The following FKBP5 variants were observed in gnomAD, a reference collection of about 807,000 sequenced individuals.
FKBP5 encodes the protein FKBP prolyl isomerase 5.
A neutral mutation model predicts 50.5 loss-of-function variants in FKBP5; 23 were observed. The ratio of observed to expected loss-of-function variants is 0.46; its 90% CI spans 0.33 to 0.65. The LOEUF (loss-of-function observed/expected upper bound fraction) is 0.65. FKBP5 is among the 30% of genes least tolerant of loss of function. The pLI, the probability that FKBP5 is intolerant of heterozygous loss-of-function variation, is 0.02. For synonymous variants in FKBP5, 176 were observed against 190.6 expected, an observed-to-expected ratio of 0.92 and a Z score of 0.63; for missense variants, 411 against 553.1, an observed-to-expected ratio of 0.74 and a Z score of 2.58.
intron 5 of FKBP5, 49 bp downstream of exon 5, chr6:35,619,047 T>C (rs1763744368): frequency 7.7e-7 from 1 of 1,298,416 alleles, no homozygotes; most frequent in Non-Finnish European, 1.1e-6. Flanking sequence ...TTCGTCCACA[T>C]AAATGGCCCA....
chr6:35,622,326 C>A (rs1043542194), intron 3 of FKBP5, among the ~76,000 whole-genome samples: 5 of 152,052 alleles, frequency 3.3e-5, no homozygotes, highest in Non-Finnish European at 5.9e-5. Context: ...GCCAGGGCAA[C>A]ATAGTGAAAC....
At chr6:35,602,360 T>TTGG (rs1763171631) in intron 5 of FKBP5, among the ~76,000 whole-genome samples, 1 of 152,068 alleles carries the variant, frequency 6.6e-6, no homozygotes, top group South Asian at 2.1e-4. Context: ...ATTATAGTAG[T>TTGG]TGGTGTCTGA....
chr6:35,643,367 A>G (rs1764547160), intron 1 of FKBP5, among the ~76,000 whole-genome samples: 1 of 152,208 alleles, frequency 6.6e-6, no homozygotes, highest in South Asian at 2.1e-4. Flanking sequence ...TGGACACAGT[A>G]CACTATTCAT....
At chr6:35,578,450 A>G (rs576533868) in intron 9 of FKBP5, among the ~76,000 whole-genome samples, 1 of 152,240 alleles carries the variant, frequency 6.6e-6, no homozygotes, top group East Asian at 1.9e-4. Flanking sequence ...ACCTTCTTTA[A>G]AGAGAAAGAT....
chr6:35,616,860 T>C (rs1398733154), intron 5 of FKBP5, among the ~76,000 whole-genome samples: 2 of 151,874 alleles, frequency 1.3e-5, no homozygotes, highest in East Asian at 1.9e-4. Flanking sequence ...AAAATACACA[T>C]TATAGACAAG....
At chr6:35,705,236 ATATATATATATATATATATATATTT>A (rs1766276258) in intron 2 of FKBP5, among the ~76,000 whole-genome samples, 1 of 74,348 alleles carries the variant, frequency 1.3e-5, no homozygotes, top group Non-Finnish European at 3.9e-5. Context: ...ATATATATAT[ATATATATATATATATATATATATTT>A]TTTTTTTTTT....
chr6:35,723,787 G>A (rs552851480), intron 1 of FKBP5, among the ~76,000 whole-genome samples: 1 of 152,358 alleles, frequency 6.6e-6, no homozygotes, highest in South Asian at 2.1e-4. Flanking sequence ...GATAAGGCTG[G>A]CACGGGCAGT....
intron 6 of FKBP5, 22 bp from the exon 7 acceptor site, chr6:35,591,242 A>T: frequency 6.6e-7 from 1 of 1,516,248 alleles, no homozygotes; most frequent in South Asian, 1.1e-5. Context: ...AGTAAAAAAT[A>T]AAACTTTAAA....
chr6:35,583,784 T>A (rs765307974), intron 8 of FKBP5: 9 of 985,336 alleles, frequency 9.1e-6, no homozygotes, highest in Non-Finnish European at 1.1e-5. Flanking sequence ...AGGAAAGAGA[T>A]GAAAGACAGG....
chr6:35,684,026 C>G (rs1765754376), intron 1 of FKBP5, among the ~76,000 whole-genome samples: 1 of 152,000 alleles, frequency 6.6e-6, no homozygotes, highest in Non-Finnish European at 1.5e-5. Flanking sequence ...TGCACTCCAG[C>G]CTGAGCAACA....
At chr6:35,724,714 C>T (rs1561911316) in intron 1 of FKBP5, among the ~76,000 whole-genome samples, 1 of 151,516 alleles carries the variant, frequency 6.6e-6, no homozygotes. Context: ...CATGATCTCC[C>T]CACTGTACTC....
chr6:35,680,713 T>C (rs1472628641), intron 1 of FKBP5, among the ~76,000 whole-genome samples: 1 of 152,142 alleles, frequency 6.6e-6, no homozygotes, highest in Non-Finnish European at 1.5e-5. Flanking sequence ...CTATGAAAAA[T>C]AGCACCACCC....
At chr6:35,666,847 C>T (rs1357803893) in intron 1 of FKBP5, among the ~76,000 whole-genome samples, 1 of 152,038 alleles carries the variant, frequency 6.6e-6, no homozygotes, top group Non-Finnish European at 1.5e-5. Context: ...TGCACCACTG[C>T]ACTCCAGCCT....
chr6:35,686,537 C>T (rs956960124), intron 1 of FKBP5, among the ~76,000 whole-genome samples: 3 of 152,024 alleles, frequency 2.0e-5, no homozygotes, highest in Admixed American at 2.0e-4. Flanking sequence ...ATAATGGAAG[C>T]TACAGTCTTA....
chr6:35,726,536 CCACACACACACACACACACACACA>C (rs10599241), intron 1 of FKBP5, among the ~76,000 whole-genome samples: 2 of 139,350 alleles, frequency 1.4e-5, no homozygotes, highest in Non-Finnish European at 3.1e-5. Flanking sequence ...TCCTCCTCCT[CCACACACACACACACACACACACA>C]CACACACACA....
At chr6:35,614,950 C>T (rs1417888449) in intron 5 of FKBP5, among the ~76,000 whole-genome samples, 1 of 151,948 alleles carries the variant, frequency 6.6e-6, no homozygotes, top group Non-Finnish European at 1.5e-5. Context: ...TGGTGAAATC[C>T]CATCTCTACT....
At chr6:35,645,424 CCCA>C (rs1764603111) in intron 1 of FKBP5, among the ~76,000 whole-genome samples, 1 of 151,796 alleles carries the variant, frequency 6.6e-6, no homozygotes. Context: ...AGGGTGAGAC[CCCA>C]TCTCTTAAAA....
intron 4 of FKBP5, among the ~76,000 whole-genome samples, chr6:35,619,475 G>GA (rs1316654131): frequency 2.0e-5 from 3 of 152,146 alleles, no homozygotes; most frequent in African/African-American, 7.2e-5. Flanking sequence ...GAAATACTAG[G>GA]AAAACTACCC....
intron 3 of FKBP5, among the ~76,000 whole-genome samples, chr6:35,630,572 A>G (rs1331023151): frequency 1.3e-5 from 2 of 152,156 alleles, no homozygotes; most frequent in African/African-American, 4.8e-5. Flanking sequence ...TCTACTGTAT[A>G]TCAGGCACTC....
Sources: allele counts gnomAD v4.1 joint callset (sites outside exome capture counted in the v4.1 genomes callset), GRCh38; gene constraint gnomAD v4.1.1; transcripts MANE v1.5; gene names NCBI Gene and HGNC (gene_info 2026-07-23, HGNC 2026-07-21).